The following UNC5D variants were observed in gnomAD, a reference collection of about 807,000 sequenced individuals.
UNC5D encodes the protein netrin receptor UNC5D.
A neutral mutation model predicts 105.4 loss-of-function variants in UNC5D; 39 were observed. The observed-to-expected ratio is 0.37, with a 90% CI of 0.29 to 0.48. The LOEUF (loss-of-function observed/expected upper bound fraction) is 0.48, where lower values mean the gene tolerates loss of function less well. UNC5D is among the 20% of genes least tolerant of loss of function. The pLI, the probability that UNC5D is intolerant of heterozygous loss-of-function variation, is 0.98. For synonymous variants in UNC5D, 452 were observed against 450.4 expected, an observed-to-expected ratio of 1.00 and a Z score of -0.04; for missense variants, 991 against 1,202.4, an observed-to-expected ratio of 0.82 and a Z score of 2.60.
intron 10 of UNC5D, among the ~76,000 whole-genome samples, chr8:35,728,164 A>G (rs1005059158): frequency 1.3e-5 from 2 of 150,854 alleles, no homozygotes; most frequent in Non-Finnish European, 2.9e-5. Flanking sequence ...AAGTTATGCA[A>G]TTATCTTATC....
chr8:35,680,418 AT>A (rs956466839), intron 4 of UNC5D, among the ~76,000 whole-genome samples: 4 of 151,296 alleles, frequency 2.6e-5, no homozygotes, highest in African/African-American at 9.7e-5. Flanking sequence ...TGTTTTGTGG[AT>A]TTTTTTTTAT....
intron 1 of UNC5D, among the ~76,000 whole-genome samples, chr8:35,501,300 C>A (rs981429652): frequency 6.6e-6 from 1 of 152,182 alleles, no homozygotes; most frequent in African/African-American, 2.4e-5. Flanking sequence ...GCAAAGAGTC[C>A]CCACCAGTTG....
chr8:35,628,906 A>G (rs1007884854), intron 4 of UNC5D, among the ~76,000 whole-genome samples: 4 of 152,212 alleles, frequency 2.6e-5, no homozygotes, highest in Non-Finnish European at 5.9e-5. Context: ...TAATAATTAT[A>G]TAGGCTTATC....
intron 1 of UNC5D, among the ~76,000 whole-genome samples, chr8:35,469,297 G>A (rs990013677): frequency 4.6e-5 from 7 of 152,078 alleles, no homozygotes; most frequent in Admixed American, 2.0e-4. Flanking sequence ...TTAAAGTGGG[G>A]GTAATAATTT....
chr8:35,688,142 A>G (rs911315191), intron 7 of UNC5D, among the ~76,000 whole-genome samples: 3 of 146,066 alleles, frequency 2.1e-5, no homozygotes, highest in Non-Finnish European at 2.9e-5. Flanking sequence ...AAAAACAAAA[A>G]AAAACAAAAC....
At chr8:35,674,601 G>C (rs1197155061) in intron 4 of UNC5D, among the ~76,000 whole-genome samples, 1 of 152,182 alleles carries the variant, frequency 6.6e-6, no homozygotes, top group Non-Finnish European at 1.5e-5. Flanking sequence ...ATCATTATTA[G>C]GCTGGGAAAT....
At chr8:35,633,773 G>C (rs546854545) in intron 4 of UNC5D, among the ~76,000 whole-genome samples, 1 of 152,096 alleles carries the variant, frequency 6.6e-6, no homozygotes, top group Non-Finnish European at 1.5e-5. Context: ...AGAATGACCA[G>C]GTCTGCAGTT....
chr8:35,787,309 T>G (rs554875944), intron 16 of UNC5D, among the ~76,000 whole-genome samples: 1 of 152,330 alleles, frequency 6.6e-6, no homozygotes, highest in South Asian at 2.1e-4. Context: ...GCTGCTTTTT[T>G]GTTGTAGCTG....
chr8:35,611,592 C>T (rs1000329594), intron 4 of UNC5D, among the ~76,000 whole-genome samples: 2 of 152,172 alleles, frequency 1.3e-5, no homozygotes, highest in Non-Finnish European at 2.9e-5. Context: ...CATTGTTTTA[C>T]AAAATACCTG....
intron 11 of UNC5D, among the ~76,000 whole-genome samples, chr8:35,743,099 G>A (rs1467128414): frequency 6.6e-6 from 1 of 152,106 alleles, no homozygotes; most frequent in Non-Finnish European, 1.5e-5. Flanking sequence ...GACAGCACTA[G>A]ACAGGTCATC....
chr8:35,540,444 GGTGTGTGTGTGTGTGTGTGT>G (rs11467586), intron 1 of UNC5D, among the ~76,000 whole-genome samples: 4 of 142,698 alleles, frequency 2.8e-5, no homozygotes, highest in African/African-American at 1.0e-4. Context: ...AAAGCAGAGG[GGTGTGTGTGTGTGTGTGTGT>G]GTGTGTGTGT....
intron 1 of UNC5D, among the ~76,000 whole-genome samples, chr8:35,377,162 T>C (rs1802750459): frequency 6.6e-6 from 1 of 152,164 alleles, no homozygotes; most frequent in Non-Finnish European, 1.5e-5. Context: ...ACTCTTTGCG[T>C]GCTATATGGA....
In UNC5D at chr8:35,482,793, CTTTTTTTTTTTT is replaced by C. The variant is rs5890816; in HGVS notation, c.104-66484_104-66473del. Among the ~76,000 whole-genome samples, 121 of 78,150 alleles carry C rather than the reference CTTTTTTTTTTTT, an allele frequency of 1.5e-3. 1 individual carries two copies. Among genetic ancestry groups the C allele is most frequent in the African/African-American group, 6.0e-3 (109 of 18,236 alleles). The allele number at this position is 78,150 out of a possible 152,430, so 51.3% of individuals were successfully genotyped here. A position where few individuals can be genotyped will look rare whatever the true frequency, so the allele number is the denominator to read the frequency against. On this transcript the variant is annotated intron_variant, in intron 1 of 16. Coordinates refer to ENST00000404895, the MANE Select transcript of UNC5D (RefSeq NM_080872.4). ...TATATCAGTGTGTCATTAAAGAGATCTTTTTTTTTTTTTTTTTTTTTTTTTTGAGATGAAGTC... is the reference window on the plus strand; with the variant it reads ...TATATCAGTGTGTCATTAAAGAGATCTTTTTTTTTTTTTTGAGATGAAGTC...
At chr8:35,243,525 G>A (rs1802918786) in intron 1 of UNC5D, among the ~76,000 whole-genome samples, 1 of 152,110 alleles carries the variant, frequency 6.6e-6, no homozygotes, top group Non-Finnish European at 1.5e-5. Flanking sequence ...TTAAATAAGA[G>A]GCCTTTCTAA....
intron 4 of UNC5D, among the ~76,000 whole-genome samples, chr8:35,601,421 C>G (rs1487308220): frequency 2.6e-5 from 4 of 151,874 alleles, no homozygotes; most frequent in African/African-American, 9.7e-5. Flanking sequence ...ATTGATTCTT[C>G]TACCCATGAG....
At chr8:35,519,041 C>G (rs535385751) in intron 1 of UNC5D, among the ~76,000 whole-genome samples, 1 of 152,248 alleles carries the variant, frequency 6.6e-6, no homozygotes, top group Admixed American at 6.5e-5. Context: ...CAGCTACAAA[C>G]TTGCTTCTAC....
intron 1 of UNC5D, among the ~76,000 whole-genome samples, chr8:35,495,483 C>CAAAAAAAAAAAAAAAAAAA (rs1442607841): frequency 8.7e-6 from 1 of 115,460 alleles, no homozygotes; most frequent in Admixed American, 8.6e-5. Context: ...AAAAAAAAAG[C>CAAAAAAAAAAAAAAAAAAA]AAAAAAATCT....
At chr8:35,604,371 C>G (rs1380611747) in intron 4 of UNC5D, among the ~76,000 whole-genome samples, 1 of 152,120 alleles carries the variant, frequency 6.6e-6, no homozygotes, top group Non-Finnish European at 1.5e-5. Flanking sequence ...GAATATTGGC[C>G]CCCACCCTCT....
chr8:35,650,282 G>A (rs962669156), intron 4 of UNC5D, among the ~76,000 whole-genome samples: 1 of 152,040 alleles, frequency 6.6e-6, no homozygotes, highest in Non-Finnish European at 1.5e-5. Context: ...TGTTGATGTC[G>A]TCTTCCTCCT....
Sources: allele counts gnomAD v4.1 joint callset (sites outside exome capture counted in the v4.1 genomes callset), GRCh38; gene constraint gnomAD v4.1.1; transcripts MANE v1.5; gene names NCBI Gene and HGNC (gene_info 2026-07-23, HGNC 2026-07-21).